The following SLC4A11 variants were observed in gnomAD, a reference collection of about 807,000 sequenced individuals.
SLC4A11 encodes the protein solute carrier family 4 member 11.
SLC4A11 carries 74 observed loss-of-function variants against 95.0 expected under a neutral mutation model. The observed-to-expected ratio is 0.78, with a 90% CI of 0.65 to 0.95. The LOEUF (loss-of-function observed/expected upper bound fraction) is 0.95. SLC4A11 is among the 40% of genes least tolerant of loss of function. The pLI, the probability that SLC4A11 is intolerant of heterozygous loss-of-function variation, is 0.00. For missense variants in SLC4A11, 1,081 were observed against 1,192.4 expected (o/e 0.91, Z 1.38); for synonymous variants, 548 against 519.0 (o/e 1.06, Z -0.76).
rs767398370 is a variant in SLC4A11, at chr20:3,229,794, C to T, written c.1490-18G>A. ...CCAGAAGACTGTGGACACACACCCA[C>T]AGGCCTCAGCCCTCTCCAGCGTGTG... On this transcript the variant is annotated intron_variant, in intron 13 of 19. Coordinates refer to ENST00000642402, the MANE Select transcript of SLC4A11 (RefSeq NM_001174089.2). 7 of 1,613,602 alleles carry T rather than the reference C, an allele frequency of 4.3e-6. No individual in the cohort carries two copies. The Admixed American group carries it at 1.0e-4, about 23-fold the overall frequency.
Position 3,234,694 on chromosome 20 carries a change from C to A in SLC4A11, c.241+48G>T, listed in dbSNP as rs777207668. On this transcript the variant is annotated intron_variant, in intron 3 of 19. Coordinates refer to ENST00000642402, the MANE Select transcript of SLC4A11 (RefSeq NM_001174089.2). This position sits in a 1 kb window ranked among gnomAD's most constrained non-coding sequence, Gnocchi z 5.8. Reference sequence around the variant, plus strand: ...TTCTTAGTAAGGCGAGTCACACCTGCCCAGTCCCGTGCCTTCCCCCAGTCT... The same window carrying A: ...TTCTTAGTAAGGCGAGTCACACCTGACCAGTCCCGTGCCTTCCCCCAGTCT... 1 of 1,613,898 alleles carries A rather than the reference C, an allele frequency of 6.2e-7. No individual in the cohort carries two copies. The highest frequency in any genetic ancestry group is 1.1e-5 in the South Asian group (1 of 91,080).
In SLC4A11 at chr20:3,230,312, G is replaced by A. The variant is rs750554204; in HGVS notation, c.1416-52C>T. 5.6e-6 allele frequency: 9 copies of A among 1,598,668 alleles called. No individual in the cohort carries two copies. In the Admixed American group the frequency reaches 6.7e-5, roughly 12 times the overall value. On this transcript the variant is annotated intron_variant, in intron 12 of 19. Transcript: ENST00000642402. ...GAGTGGGTGTGGTCAGGGGGCAGGT[G>A]GGGGAGGCCTCCCTGAGCCCCTGCA...
intron 1 of SLC4A11, 177 bp downstream of exon 1, chr20:3,238,918 C>T (rs1300307724): frequency 1.6e-6 from 2 of 1,259,002 alleles, no homozygotes; most frequent in African/African-American, 1.6e-5. Flanking sequence ...AAGCCGCGCC[C>T]GGGCCTCCCG....
chr20:3,229,737 T>C lies in SLC4A11; in HGVS notation c.1529A>G (p.Tyr510Cys), dbSNP rs150571742. The C allele has an allele frequency of 9.9e-6, 16 of 1,613,860 alleles. No individual in the cohort carries two copies. Among genetic ancestry groups the C allele is most frequent in the African/African-American group, 6.7e-5 (5 of 74,928 alleles). Residue 510 changes from tyrosine to cysteine, a missense_variant, in exon 14 of 20, where the codon TAT becomes TGT. By Grantham distance (194) the Tyr-to-Cys change is radical. Transcript: ENST00000642402. ...KYYYGHYLDD[Y>C]HTKRTSSLVS... ...AAGGGATGAAGTCCTTTTTGTGTGA[T>C]AGTCGTCCAAGTAATGCCCATAGTA...
At chr20:3,237,955 C>T (rs867400904) in intron 1 of SLC4A11, 1 of 1,550,518 alleles carries the variant, frequency 6.4e-7, no homozygotes, top group Non-Finnish European at 8.7e-7. Flanking sequence ...AGGAAGGGAC[C>T]GGGCCCGAGC....
chr20:3,239,026 TC>T, intron 1 of SLC4A11, 68 bp downstream of exon 1: 1 of 1,445,222 alleles, frequency 6.9e-7, no homozygotes, highest in Non-Finnish European at 9.1e-7. Flanking sequence ...CTCCCCGGGG[TC>T]CCCGACGGGA....
chr20:3,228,181 C>A (rs1386035816), intron 19 of SLC4A11, 78 bp downstream of exon 19: 1 of 1,502,954 alleles, frequency 6.7e-7, no homozygotes, highest in Non-Finnish European at 9.1e-7. Flanking sequence ...GGGACCCCTC[C>A]TCCCAGCCGC....
intron 1 of SLC4A11, chr20:3,237,873 C>CAGTTAGTT (rs1555780630): frequency 6.4e-7 from 1 of 1,551,092 alleles, no homozygotes. Context: ...GATGTCTTCC[C>CAGTTAGTT]ACCGAGTTAG....
chr20:3,237,661 G>C, intron 1 of SLC4A11, 73 bp from the exon 2 acceptor site: 1 of 1,613,922 alleles, frequency 6.2e-7, no homozygotes, highest in Non-Finnish European at 8.5e-7. Context: ...CTGTCTCCCC[G>C]CCCCCCGACC....
chr20:3,229,057 C>A, intron 16 of SLC4A11, 38 bp downstream of exon 16: 2 of 1,551,504 alleles, frequency 1.3e-6, no homozygotes, highest in Non-Finnish European at 1.7e-6. Flanking sequence ...AGCAGAGGCC[C>A]GGGCCCCGCC....
Position 3,228,326 on chromosome 20 carries a change from C to T in SLC4A11, c.2491G>A (p.Gly831Ser), listed in dbSNP as rs544270581. The T allele has an allele frequency of 1.1e-5, 18 of 1,613,140 alleles. No individual in the cohort carries two copies. The highest frequency in any genetic ancestry group is 8.0e-5 in the African/African-American group (6 of 74,972). ...TTCATGTAGGGCAGGGAGCTCATGC[C>T]GAAGGCACACAGCAGCAGCAGCTGA... ...VLQLLLLCAF[G>S]MSSLPYMKMI... Residue 831 changes from glycine (G) to serine (S), a missense_variant, in exon 19 of 20, where the codon GGC (glycine) becomes AGC (serine). By Grantham distance (56) the Gly-to-Ser change is moderately conservative. Coordinates refer to ENST00000642402, the MANE Select transcript of SLC4A11 (RefSeq NM_001174089.2).
At chr20:3,235,305 T>TCACACA (rs2067938800) in intron 2 of SLC4A11, among the ~76,000 whole-genome samples, 3 of 109,818 alleles carry the variant, frequency 2.7e-5, no homozygotes, top group Non-Finnish European at 5.7e-5. Flanking sequence ...TCTCTCTCTC[T>TCACACA]CTCTCACACA....
Position 3,234,696 on chromosome 20 carries a change from C to T in SLC4A11, c.241+46G>A. On this transcript the variant is annotated intron_variant, in intron 3 of 19. Transcript: ENST00000642402. This position sits in a 1 kb window ranked among gnomAD's most constrained non-coding sequence, Gnocchi z 5.8. Reference sequence around the variant, plus strand: ...CTTAGTAAGGCGAGTCACACCTGCCCAGTCCCGTGCCTTCCCCCAGTCTGC... The same window carrying T: ...CTTAGTAAGGCGAGTCACACCTGCCTAGTCCCGTGCCTTCCCCCAGTCTGC... 3 of 1,613,928 alleles carry T rather than the reference C, an allele frequency of 1.9e-6. No homozygotes were observed. The highest frequency in any genetic ancestry group is 1.1e-5 in the South Asian group (1 of 91,086).
At chr20:3,230,366 A>G in intron 12 of SLC4A11, 106 bp from the exon 13 acceptor site, 2 of 1,575,994 alleles carry the variant, frequency 1.3e-6, no homozygotes, top group East Asian at 2.2e-5. Context: ...TGCCAGGAAG[A>G]AGGCCAGGGC....
Position 3,231,529 on chromosome 20 carries a change from A to G in SLC4A11, c.749T>C (p.Met250Thr), listed in dbSNP as rs935927562. The change falls in exon 8 of 20, where the codon ATG (methionine) becomes ACG (threonine). Residue 250 changes from methionine (M) to threonine (T), a missense_variant. Transcript: ENST00000642402. The surrounding 1 kb of genome is among the most constrained non-coding windows in gnomAD (Gnocchi z 5.2). ...PPKMKSTKTA[M>T]EVARTFATMF... ...GGTGGCAAACGTGCGCGCCACCTCC[A>G]TCGCAGTCTTAGTGCTTTTCTAGGG... 16 of 1,613,574 alleles carry G rather than the reference A, an allele frequency of 9.9e-6. No homozygotes were observed. Among genetic ancestry groups the G allele is most frequent in the Non-Finnish European group, 1.3e-5 (15 of 1,179,986 alleles).
rs1224728455 is a variant in SLC4A11 at position 3,233,632 on chromosome 20, G to A, written c.611C>T (p.Thr204Ile). The A allele has an allele frequency of 1.1e-5, 18 of 1,612,580 alleles. No homozygotes were observed. Among genetic ancestry groups the A allele is most frequent in the Non-Finnish European group, 1.4e-5 (17 of 1,180,004 alleles). Residue 204 changes from threonine to isoleucine, a missense_variant, in exon 7 of 20, where the codon ACC (threonine) becomes ATC (isoleucine). This residue lies in a region of SLC4A11 where 310 missense variants were observed against 313.5 expected (regional missense o/e 0.99). Coordinates refer to ENST00000642402, the MANE Select transcript of SLC4A11 (RefSeq NM_001174089.2). ...GTGCCGCTTCTGTAGGGCCTTCATG[G>A]TACAGCTGGCAGGGGCGGGGAGGAC... ...YQQSWLCIIC[T>I]MKALQKRHVC...
At chr20:3,230,057 G>T in intron 13 of SLC4A11, 130 bp downstream of exon 13, 2 of 1,231,230 alleles carry the variant, frequency 1.6e-6, no homozygotes, top group Non-Finnish European at 2.4e-6. Context: ...GGCTCCCAGA[G>T]CACCGCACCC....
In SLC4A11 at chr20:3,231,182, T is replaced by G; in HGVS notation, c.1009A>C (p.Arg337=). The G allele has an allele frequency of 6.2e-7, 1 of 1,614,118 alleles. No individual in the cohort carries two copies. Among genetic ancestry groups the G allele is most frequent in the Non-Finnish European group, 8.5e-7 (1 of 1,180,020 alleles). Residue 337 remains arginine (R), a synonymous_variant, in exon 9 of 20, where the codon AGG becomes CGG. Coordinates refer to ENST00000642402, the MANE Select transcript of SLC4A11 (RefSeq NM_001174089.2). The surrounding 1 kb of genome is among the most constrained non-coding windows in gnomAD (Gnocchi z 5.2). The stretch of plus-strand genomic sequence containing the variant: ...AAGTCCAAGGGGTACAAGGGGAACC[T>G]GCGTGCGATGTCCTCCCGGATGCCC... ...GKGIREDIAR[R]FPLYPLDFTD...
intron 1 of SLC4A11, chr20:3,238,646 CAA>C: frequency 1.0e-6 from 1 of 995,414 alleles, no homozygotes; most frequent in Non-Finnish European, 1.2e-6. Flanking sequence ...CCGGGACTCC[CAA>C]AACTCCAGGG....
Sources: gnomAD v4.1 joint callset for allele counts (sites outside exome capture counted in the v4.1 genomes callset) on GRCh38, gnomAD v4.1.1 for gene constraint, gnomAD v4.1.1 regional missense constraint, Gnocchi (gnomAD v3.1) non-coding constraint, MANE v1.5 for transcripts, NCBI Gene and HGNC (gene_info 2026-07-23, HGNC 2026-07-21) for gene names.